The following CDYL variants were observed in gnomAD, a reference collection of about 807,000 sequenced individuals.
CDYL encodes chromodomain Y-like protein.
In CDYL, 8 loss-of-function variants were observed where a neutral mutation model predicts 47.3. That is an observed-to-expected ratio of 0.17 (90% confidence interval 0.10 to 0.31). The LOEUF is 0.31. Ranked by LOEUF, CDYL falls within the 10% of genes least tolerant of loss-of-function variation. The pLI is 1.00. For missense variants in CDYL, 471 were observed against 701.4 expected (o/e 0.67, Z 3.71); for synonymous variants, 266 against 265.0 (o/e 1.00, Z -0.04).
chr6:4,884,339 A>G (rs1761844613), intron 1 of CDYL, among the ~76,000 whole-genome samples: 1 of 152,162 alleles, frequency 6.6e-6, no homozygotes, highest in African/African-American at 2.4e-5. Context: ...TCAGGATTTT[A>G]GTTTGGCTCA....
chr6:4,753,040 C>T (rs1758021938), intron 3 of CDYL, among the ~76,000 whole-genome samples: 1 of 152,030 alleles, frequency 6.6e-6, no homozygotes, highest in Non-Finnish European at 1.5e-5. Flanking sequence ...ACCTTAGCCT[C>T]CTGAGTAGCT....
chr6:4,946,629 C>G (rs1183172454), intron 5 of CDYL, among the ~76,000 whole-genome samples: 1 of 152,186 alleles, frequency 6.6e-6, no homozygotes, highest in Admixed American at 6.5e-5. Context: ...TGGAGCTTGC[C>G]AAGCCCAGCT....
At chr6:4,711,639 G>A (rs1004293103) in intron 1 of CDYL, among the ~76,000 whole-genome samples, 1 of 152,090 alleles carries the variant, frequency 6.6e-6, no homozygotes, top group African/African-American at 2.4e-5. Context: ...GGACATTTCT[G>A]GACTTATTGC....
chr6:4,894,905 ACGTGTGTATATATACACATATG>A (rs1762162798), intron 2 of CDYL, among the ~76,000 whole-genome samples: 3 of 141,978 alleles, frequency 2.1e-5, no homozygotes, highest in African/African-American at 8.9e-5. Context: ...ATACACACGT[ACGTGTGTATATATACACATATG>A]TATGTGTGTA....
intron 2 of CDYL, among the ~76,000 whole-genome samples, chr6:4,903,504 C>T (rs983286440): frequency 6.6e-6 from 1 of 152,186 alleles, no homozygotes; most frequent in African/African-American, 2.4e-5. Context: ...TGAGCAAAAT[C>T]TACTTAAAGG....
chr6:4,805,515 T>G lies in CDYL; in HGVS notation c.24+28708T>G, dbSNP rs546988518. 5.3e-5 allele frequency among the ~76,000 whole-genome samples: 8 copies of G among 152,262 alleles called. No homozygotes were observed. In the South Asian group the frequency reaches 1.0e-3, roughly 20 times the overall value. Reference sequence around the variant, plus strand: ...AACCAGATTTATTATAGGGATTTGTTTATGCAATGATGGAGGCCTAGAAGT... The same window carrying G: ...AACCAGATTTATTATAGGGATTTGTGTATGCAATGATGGAGGCCTAGAAGT... On this transcript the variant is annotated intron_variant, in intron 1 of 6. Coordinates refer to ENST00000397588, the MANE Select transcript of CDYL (RefSeq NM_004824.4).
intron 2 of CDYL, among the ~76,000 whole-genome samples, chr6:4,893,554 G>A (rs952831573): frequency 2.1e-4 from 32 of 152,280 alleles, no homozygotes; most frequent in African/African-American, 6.5e-4. Flanking sequence ...TTAGCCAGGC[G>A]CGGTGGCGCG....
intron 2 of CDYL, among the ~76,000 whole-genome samples, chr6:4,906,708 A>G (rs1757248062): frequency 6.6e-6 from 1 of 152,246 alleles, no homozygotes; most frequent in African/African-American, 2.4e-5. Context: ...TATGGCAGCT[A>G]TCAAAATTGT....
chr6:4,786,241 C>CATGT (rs1758753649), intron 1 of CDYL, among the ~76,000 whole-genome samples: 1 of 152,110 alleles, frequency 6.6e-6, no homozygotes, highest in African/African-American at 2.4e-5. Context: ...TGATATTAAC[C>CATGT]ATGTAGTCCA....
At position 4,810,011 on chromosome 6, in the gene CDYL, A is replaced by G. The variant is rs147691376; in HGVS notation, c.24+33204A>G. 9.4e-3 allele frequency among the ~76,000 whole-genome samples: 1,429 copies of G among 152,068 alleles called. 9 individuals are homozygous for G. Among genetic ancestry groups the G allele is most frequent in the Non-Finnish European group, 0.013 (883 of 67,980 alleles). Reference sequence around the variant, plus strand: ...ATATTTTGTATAGTAGGGGTATTATATTAGTCCTTGGTGATATTTTGTATG... The same window carrying G: ...ATATTTTGTATAGTAGGGGTATTATGTTAGTCCTTGGTGATATTTTGTATG... On this transcript the variant is annotated intron_variant, in intron 1 of 6. Coordinates refer to ENST00000397588, the MANE Select transcript of CDYL (RefSeq NM_004824.4).
chr6:4,716,464 C>A (rs1393051670), intron 2 of CDYL, among the ~76,000 whole-genome samples: 1 of 152,058 alleles, frequency 6.6e-6, no homozygotes, highest in East Asian at 1.9e-4. Flanking sequence ...TTTTGTGTCT[C>A]CCATTGCTCT....
At chr6:4,798,222 C>T (rs1303078328) in intron 1 of CDYL, among the ~76,000 whole-genome samples, 2 of 152,130 alleles carry the variant, frequency 1.3e-5, no homozygotes, top group South Asian at 2.1e-4. Flanking sequence ...ATCTGCCCAC[C>T]TTGACCTCCC....
chr6:4,868,721 G>C (rs9502245), intron 1 of CDYL, among the ~76,000 whole-genome samples: 1 of 152,086 alleles, frequency 6.6e-6, no homozygotes, highest in African/African-American at 2.4e-5. Flanking sequence ...TTGATAGTGG[G>C]CTATTGAAAT....
At chr6:4,951,365 CT>C (rs934085513) in intron 5 of CDYL, among the ~76,000 whole-genome samples, 4 of 151,974 alleles carry the variant, frequency 2.6e-5, no homozygotes, top group African/African-American at 9.7e-5. Flanking sequence ...CCCTTCCCGC[CT>C]TATCTCGGCA....
intron 1 of CDYL, among the ~76,000 whole-genome samples, chr6:4,831,206 T>C (rs1760133843): frequency 6.6e-6 from 1 of 152,164 alleles, no homozygotes; most frequent in Admixed American, 6.5e-5. Context: ...GTTTTTATGG[T>C]TTTAGGTCTA....
At chr6:4,830,158 A>G (rs1346666868) in intron 1 of CDYL, among the ~76,000 whole-genome samples, 1 of 152,268 alleles carries the variant, frequency 6.6e-6, no homozygotes, top group Non-Finnish European at 1.5e-5. Context: ...AGGTGTGCGT[A>G]AGCACCATCC....
rs944240136 is a variant in CDYL at position 4,952,532 on chromosome 6, C to T, written c.1476+123C>T. On this transcript the variant is annotated intron_variant, in intron 6 of 6. Coordinates refer to ENST00000397588, the MANE Select transcript of CDYL (RefSeq NM_004824.4). ...GTTTGTCCTCAACAGAGCACCTTCCCGTGAAGTCCTGCCAGAACCTATTGC... is the reference window on the plus strand; with the variant it reads ...GTTTGTCCTCAACAGAGCACCTTCCTGTGAAGTCCTGCCAGAACCTATTGC... 43 of 1,079,388 alleles carry T rather than the reference C, an allele frequency of 4.0e-5. 1 individual carries two copies. The Admixed American group carries it at 4.6e-4, about 12-fold the overall frequency. 66.9% of individuals were successfully genotyped at this position (1,079,388 alleles called of 1,614,324 possible).
In CDYL at chr6:4,937,729, A is replaced by C; in HGVS notation, c.1113A>C (p.Glu371Asp). 1 of 1,603,516 alleles carries C rather than the reference A, an allele frequency of 6.2e-7. No individual in the cohort carries two copies. The highest frequency in any genetic ancestry group is 8.5e-7 in the Non-Finnish European group (1 of 1,177,250). ...AAAGAGAAAGCACTAAAATGGCAGA[A>C]GCTATCAGGTATGTAAAAATGATGT... ...DRKRESTKMAEAIRNFVNTFI... is the reference protein window; with the variant it reads ...DRKRESTKMADAIRNFVNTFI... Residue 371 changes from glutamate to aspartate, a missense_variant, in exon 4 of 7, where the codon GAA becomes GAC. Glu to Asp is a conservative substitution (Grantham distance 45). Transcript: ENST00000397588.
At chr6:4,838,286 C>T (rs1222703569) in intron 1 of CDYL, among the ~76,000 whole-genome samples, 4 of 152,028 alleles carry the variant, frequency 2.6e-5, no homozygotes, top group Admixed American at 1.3e-4. Flanking sequence ...CTCAATGTGT[C>T]GTCTTTTATC....
Sources: gnomAD v4.1 joint callset for allele counts (sites outside exome capture counted in the v4.1 genomes callset) on GRCh38, gnomAD v4.1.1 for gene constraint, MANE v1.5 for transcripts, NCBI Gene and HGNC (gene_info 2026-07-23, HGNC 2026-07-21) for gene names.